Variants in KCND2 observed in about 807,000 individuals in gnomAD.
The protein encoded by KCND2 is A-type voltage-gated potassium channel KCND2.
In KCND2, 16 loss-of-function variants were observed where a neutral mutation model predicts 54.4. The observed-to-expected ratio is 0.29, with a 90% CI of 0.20 to 0.45. KCND2 has a LOEUF of 0.45. Among genes scored for constraint, KCND2 ranks in the 20% least tolerant of loss-of-function variants. KCND2 has a pLI of 1.00. For missense variants in KCND2, 486 were observed against 824.2 expected, an observed-to-expected ratio of 0.59 and a Z score of 5.02; for synonymous variants, 317 against 310.7, an observed-to-expected ratio of 1.02 and a Z score of -0.21.
intron 1 of KCND2, among the ~76,000 whole-genome samples, chr7:120,610,574 T>C (rs1392744735): frequency 1.3e-5 from 2 of 152,230 alleles, no homozygotes; most frequent in South Asian, 2.1e-4. Flanking sequence ...GATTTTCCAG[T>C]AAGCTTCCAT....
intron 1 of KCND2, among the ~76,000 whole-genome samples, chr7:120,591,148 A>C (rs1792666898): frequency 6.6e-6 from 1 of 152,206 alleles, no homozygotes. Flanking sequence ...TCTTTCAGTA[A>C]AGTAATGCTT....
intron 1 of KCND2, among the ~76,000 whole-genome samples, chr7:120,488,731 A>G (rs2116294932): frequency 6.6e-6 from 1 of 152,108 alleles, no homozygotes; most frequent in East Asian, 1.9e-4. Flanking sequence ...TCCTTTCCTG[A>G]ATTGTCTTTT....
chr7:120,608,442 T>A (rs891235213), intron 1 of KCND2, among the ~76,000 whole-genome samples: 8 of 152,124 alleles, frequency 5.3e-5, no homozygotes, highest in African/African-American at 1.7e-4. Flanking sequence ...ATTGCCACAT[T>A]TTCTATTTAC....
chr7:120,663,087 C>T (rs111878916), intron 1 of KCND2, among the ~76,000 whole-genome samples: 130 of 152,268 alleles, frequency 8.5e-4, no homozygotes, highest in African/African-American at 3.0e-3. Context: ...TGTATAGTAT[C>T]ATTTGGAAGG....
intron 1 of KCND2, among the ~76,000 whole-genome samples, chr7:120,361,381 C>A (rs918403714): frequency 1.3e-5 from 2 of 151,612 alleles, no homozygotes; most frequent in African/African-American, 4.8e-5. Flanking sequence ...GACAAGTTCT[C>A]TCTCGCTCTC....
At chr7:120,721,407 A>G (rs1169560415) in intron 1 of KCND2, among the ~76,000 whole-genome samples, 2 of 152,232 alleles carry the variant, frequency 1.3e-5, no homozygotes, top group East Asian at 1.9e-4. Flanking sequence ...ACAAATCCAT[A>G]AAGTATACTC....
intron 1 of KCND2, among the ~76,000 whole-genome samples, chr7:120,435,229 C>T (rs11764191): frequency 0.25 from 37,878 of 150,910 alleles, 6,484 homozygotes; most frequent in East Asian, 0.56. Context: ...GCCTCAGCCT[C>T]CCGAGTAACT....
chr7:120,573,306 T>C (rs930637493), intron 1 of KCND2, among the ~76,000 whole-genome samples: 15 of 152,352 alleles, frequency 9.8e-5, no homozygotes, highest in African/African-American at 3.6e-4. Flanking sequence ...AGATTTCAGA[T>C]GCGATTGTAA....
intron 1 of KCND2, among the ~76,000 whole-genome samples, chr7:120,693,664 A>G (rs565133047): frequency 6.6e-6 from 1 of 152,198 alleles, no homozygotes; most frequent in African/African-American, 2.4e-5. Context: ...GCTATTTTAT[A>G]TGCACCACCC....
chr7:120,504,718 A>T (rs560949854), intron 1 of KCND2, among the ~76,000 whole-genome samples: 33 of 152,000 alleles, frequency 2.2e-4, no homozygotes, highest in African/African-American at 7.5e-4. Flanking sequence ...TCTATAAATT[A>T]TGGAAAGCTC....
intron 1 of KCND2, among the ~76,000 whole-genome samples, chr7:120,565,961 A>G (rs1477385895): frequency 6.6e-6 from 1 of 152,188 alleles, no homozygotes; most frequent in East Asian, 1.9e-4. Flanking sequence ...CCTATTTATC[A>G]AGCAAAACTT....
chr7:120,360,176 C>T (rs549669702), intron 1 of KCND2, among the ~76,000 whole-genome samples: 1 of 152,144 alleles, frequency 6.6e-6, no homozygotes, highest in South Asian at 2.1e-4. Flanking sequence ...ATCATCAGCT[C>T]ATTTTCACTA....
intron 1 of KCND2, among the ~76,000 whole-genome samples, chr7:120,639,054 G>A (rs944296155): frequency 3.9e-5 from 6 of 151,996 alleles, no homozygotes; most frequent in Admixed American, 1.3e-4. Flanking sequence ...GTTTTCTTTG[G>A]TGTCTCATAT....
chr7:120,524,037 A>C (rs1791739079), intron 1 of KCND2, among the ~76,000 whole-genome samples: 1 of 151,878 alleles, frequency 6.6e-6, no homozygotes, highest in Admixed American at 6.6e-5. Context: ...GGAGTTGGAG[A>C]CCGGACTGTG....
rs1287425216 is a variant in KCND2, at chr7:120,749,658, A to G, written c.*1800A>G. On this transcript the variant is annotated 3_prime_UTR_variant, in exon 6 of 6. Transcript: ENST00000331113. ...GTTTCTAGAACAGTGCTATGCACAT[A>G]TTAGATCTTAATAAACATTTGCTGA... 1.3e-5 allele frequency: 2 copies of G among 152,404 alleles called. No individual in the cohort carries two copies. Among genetic ancestry groups the G allele is most frequent in the Admixed American group, 1.3e-4 (2 of 15,238 alleles). 9.4% of individuals were successfully genotyped at this position (152,404 alleles called of 1,614,324 possible). A position where few individuals can be genotyped will look rare whatever the true frequency, so the allele number is the denominator to read the frequency against.
At chr7:120,639,903 A>T (rs1562895671) in intron 1 of KCND2, among the ~76,000 whole-genome samples, 2 of 148,930 alleles carry the variant, frequency 1.3e-5, no homozygotes, top group Admixed American at 6.7e-5. Flanking sequence ...TACATTTTCT[A>T]TTTTTTTTTT....
intron 1 of KCND2, among the ~76,000 whole-genome samples, chr7:120,491,658 G>A (rs966919839): frequency 6.6e-6 from 1 of 151,960 alleles, no homozygotes; most frequent in African/African-American, 2.4e-5. Flanking sequence ...AATATGTGTG[G>A]GTGTTAGTGA....
At chr7:120,400,351 A>G (rs1333810284) in intron 1 of KCND2, among the ~76,000 whole-genome samples, 1 of 152,182 alleles carries the variant, frequency 6.6e-6, no homozygotes, top group Non-Finnish European at 1.5e-5. Flanking sequence ...CTAAACAGCA[A>G]ACAACCATAC....
intron 1 of KCND2, among the ~76,000 whole-genome samples, chr7:120,292,125 A>G (rs1333500220): frequency 6.6e-6 from 1 of 151,930 alleles, no homozygotes. Flanking sequence ...AAATAATGCA[A>G]TATTACCATT....
Sources: gnomAD v4.1 joint callset for allele counts (sites outside exome capture counted in the v4.1 genomes callset) on GRCh38, gnomAD v4.1.1 for gene constraint, MANE v1.5 for transcripts, NCBI Gene and HGNC (gene_info 2026-07-23, HGNC 2026-07-21) for gene names.